WDR49: variants seen among roughly 807,000 people sequenced by gnomAD.
WDR49 encodes the protein WD repeat domain 49.
In WDR49, 107 loss-of-function variants were observed where a neutral mutation model predicts 119.5. That is an observed-to-expected ratio of 0.90 (90% CI 0.77 to 1.05). The LOEUF (loss-of-function observed/expected upper bound fraction) is 1.05, where lower values mean the gene tolerates loss of function less well. Among genes scored for constraint, WDR49 ranks in the 50% least tolerant of loss-of-function variants. The probability of loss-of-function intolerance (pLI) is 0.00; values close to 1 mark genes in which losing one functional copy is unlikely to be tolerated. For synonymous variants in WDR49, 425 were observed against 418.8 expected, an observed-to-expected ratio of 1.01 and a Z score of -0.18; for missense variants, 1,240 against 1,220.5, an observed-to-expected ratio of 1.02 and a Z score of -0.24.
At chr3:167,568,173 T>A (rs756547410) in intron 8 of WDR49, among the ~76,000 whole-genome samples, 14 of 152,198 alleles carry the variant, frequency 9.2e-5, no homozygotes, top group Non-Finnish European at 2.1e-4. Flanking sequence ...CAATCCTTTC[T>A]TCTCAATTAT....
intron 7 of WDR49, among the ~76,000 whole-genome samples, chr3:167,599,449 G>T (rs925583451): frequency 3.9e-5 from 6 of 152,084 alleles, no homozygotes; most frequent in African/African-American, 1.4e-4. Context: ...TTGTGGTGAA[G>T]TCGGCCAAGC....
intron 5 of WDR49, 134 bp from the exon 6 acceptor site, chr3:167,604,602 A>T (rs1030623613): frequency 1.5e-5 from 13 of 869,694 alleles, no homozygotes; most frequent in African/African-American, 8.5e-5. Flanking sequence ...TACTTAAAAA[A>T]CACCTCACAA....
rs184740939 is a variant in WDR49 at position 167,480,675 on chromosome 3, C to A, written c.3032-1679G>T. On this transcript the variant is annotated intron_variant, in intron 18 of 18. Coordinates refer to ENST00000682715, the MANE Select transcript of WDR49 (RefSeq NM_001366157.1). ...AAAACTCAAAGAGAGATGTAATCTG[C>A]AGCTTACAAAATATAAAGAAGCAAA... Among the ~76,000 whole-genome samples the A allele has an allele frequency of 2.0e-5, 3 of 152,224 alleles. No individual in the cohort carries two copies. The East Asian group carries it at 5.8e-4, about 29-fold the overall frequency.
intron 9 of WDR49, among the ~76,000 whole-genome samples, chr3:167,559,755 C>T (rs1373285876): frequency 2.6e-5 from 4 of 152,104 alleles, no homozygotes; most frequent in Admixed American, 6.5e-5. Context: ...ATGAAATTAT[C>T]GAGGCATCGT....
intron 9 of WDR49, 79 bp downstream of exon 9, chr3:167,559,985 G>A (rs1713164417): frequency 1.4e-6 from 2 of 1,443,992 alleles, no homozygotes; most frequent in Admixed American, 4.7e-5. Context: ...CAAAAAATGA[G>A]AATATCTATA....
chr3:167,537,034 C>G (rs371679814), intron 10 of WDR49, 34 bp from the exon 11 acceptor site: 127 of 1,537,112 alleles, frequency 8.3e-5, no homozygotes, highest in Admixed American at 5.3e-4. Context: ...AGCTGTGGAT[C>G]TAAAATTGAT....
intron 9 of WDR49, among the ~76,000 whole-genome samples, chr3:167,555,618 A>T (rs923599149): frequency 5.9e-5 from 9 of 152,154 alleles, no homozygotes; most frequent in African/African-American, 2.2e-4. Context: ...CTCCAAGTAG[A>T]CAGTGTCAGA....
chr3:167,541,319 T>G (rs939135067), intron 10 of WDR49, among the ~76,000 whole-genome samples: 3 of 152,096 alleles, frequency 2.0e-5, no homozygotes, highest in Non-Finnish European at 2.9e-5. Flanking sequence ...AGCTAATCTA[T>G]AAAGGAAAAC....
In WDR49 at chr3:167,512,904, G is replaced by A. The variant is rs117346837; in HGVS notation, c.2775-7488C>T. 1.4e-3 allele frequency among the ~76,000 whole-genome samples: 211 copies of A among 152,248 alleles called. 4 individuals carry two copies. The East Asian group carries it at 0.032, about 23-fold the overall frequency. Reference sequence around the variant, plus strand: ...GAAATAAGACAGGCAGACAAGATAAGAGAAAGAAGAATGAAAAAGAACAAA... The same window carrying A: ...GAAATAAGACAGGCAGACAAGATAAAAGAAAGAAGAATGAAAAAGAACAAA... On this transcript the variant is annotated intron_variant, in intron 16 of 18. Coordinates refer to ENST00000682715, the MANE Select transcript of WDR49 (RefSeq NM_001366157.1).
chr3:167,567,209 A>G (rs748354770), intron 8 of WDR49, among the ~76,000 whole-genome samples: 11 of 152,168 alleles, frequency 7.2e-5, no homozygotes, highest in African/African-American at 2.7e-4. Flanking sequence ...TCTAATGTCC[A>G]TTATTGTCTA....
chr3:167,627,343 A>G (rs1717177810), intron 2 of WDR49, 51 bp from the exon 3 acceptor site: 1 of 1,220,376 alleles, frequency 8.2e-7, no homozygotes, highest in Non-Finnish European at 1.0e-6. Flanking sequence ...AAATCATCAT[A>G]TGCATGAGAG....
In WDR49 at chr3:167,529,252, G is replaced by A. The variant is rs1055977362; in HGVS notation, c.2219-13C>T. ...AGGTTAGCTCCTCCTAACATGTAAG[G>A]GAAAAATCTAACTAGAAAACTGAAC... On this transcript the variant is annotated splice_polypyrimidine_tract_variant and intron_variant, in intron 13 of 18. Transcript: ENST00000682715. 2 of 1,548,136 alleles carry A rather than the reference G, an allele frequency of 1.3e-6. No homozygotes were observed. Among genetic ancestry groups the A allele is most frequent in the Non-Finnish European group, 1.7e-6 (2 of 1,154,304 alleles).
chr3:167,569,571 C>T (rs1422412974), intron 8 of WDR49, among the ~76,000 whole-genome samples: 1 of 151,664 alleles, frequency 6.6e-6, no homozygotes, highest in Non-Finnish European at 1.5e-5. Context: ...AGTGCCTATG[C>T]CTGTAATCCC....
chr3:167,531,146 A>G lies in WDR49; in HGVS notation c.2187T>C (p.Phe729=), dbSNP rs2108242289. The G allele has an allele frequency of 6.2e-7, 1 of 1,612,220 alleles. No homozygotes were observed. The highest frequency in any genetic ancestry group is 1.1e-5 in the South Asian group (1 of 90,804). Residue 729 remains phenylalanine (F), a synonymous_variant, in exon 13 of 19, where the codon TTT becomes TTC. Coordinates refer to ENST00000682715, the MANE Select transcript of WDR49 (RefSeq NM_001366157.1). ...EGKNAVMRLC[F]LKARKNTAVT... is the part of the protein sequence containing the mutation. ...CTGCAGTGTTTTTTCTTGCTTTAAG[A>G]AAGCAAAGTCTCATAACAGCATTTT...
intron 10 of WDR49, among the ~76,000 whole-genome samples, chr3:167,552,837 ACCATC>A (rs1712654026): frequency 6.6e-6 from 1 of 152,108 alleles, no homozygotes; most frequent in African/African-American, 2.4e-5. Context: ...AAATGTAATT[ACCATC>A]CCATCCTGCA....
At chr3:167,496,707 A>T (rs1012304477) in intron 18 of WDR49, among the ~76,000 whole-genome samples, 5 of 152,196 alleles carry the variant, frequency 3.3e-5, no homozygotes, top group African/African-American at 4.8e-5. Flanking sequence ...AGCATCCAGC[A>T]CAAATGCTAC....
chr3:167,494,246 G>T (rs1751260027), intron 18 of WDR49, among the ~76,000 whole-genome samples: 1 of 152,140 alleles, frequency 6.6e-6, no homozygotes, highest in South Asian at 2.1e-4. Context: ...GCGAAGTGAT[G>T]ATTCAAAAGC....
intron 2 of WDR49, among the ~76,000 whole-genome samples, chr3:167,632,926 C>T (rs1002810928): frequency 6.6e-6 from 1 of 151,958 alleles, no homozygotes; most frequent in East Asian, 1.9e-4. Context: ...AGGATCTATT[C>T]ATAATTTAAT....
At chr3:167,551,362 T>C (rs930677580) in intron 10 of WDR49, among the ~76,000 whole-genome samples, 2 of 152,078 alleles carry the variant, frequency 1.3e-5, no homozygotes, top group Non-Finnish European at 2.9e-5. Context: ...GAGTAAGCTA[T>C]ATATCTGAGT....
Sources: gnomAD v4.1 joint callset for allele counts (sites outside exome capture counted in the v4.1 genomes callset) on GRCh38, gnomAD v4.1.1 for gene constraint, MANE v1.5 for transcripts, NCBI Gene and HGNC (gene_info 2026-07-23, HGNC 2026-07-21) for gene names.